Variants in TAFA4 observed in about 807,000 individuals in gnomAD.
TAFA4 encodes chemokine-like protein TAFA-4.
A neutral mutation model predicts 21.1 loss-of-function variants in TAFA4; 20 were observed. The observed-to-expected ratio is 0.95, with a 90% CI of 0.67 to 1.38. The LOEUF (loss-of-function observed/expected upper bound fraction) is 1.38, where lower values mean the gene tolerates loss of function less well. TAFA4 is among the 40% of genes most tolerant of loss of function. The pLI, the probability that TAFA4 is intolerant of heterozygous loss-of-function variation, is 0.00. For missense variants in TAFA4, 211 were observed against 180.9 expected, an observed-to-expected ratio of 1.17 and a Z score of -0.95; for synonymous variants, 71 against 67.4, an observed-to-expected ratio of 1.05 and a Z score of -0.26.
intron 3 of TAFA4, among the ~76,000 whole-genome samples, chr3:68,760,054 T>G (rs1359537505): frequency 6.6e-6 from 1 of 152,142 alleles, no homozygotes; most frequent in Non-Finnish European, 1.5e-5. Flanking sequence ...GCAATCGGGT[T>G]GCATATTTTC....
intron 1 of TAFA4, among the ~76,000 whole-genome samples, chr3:68,930,216 A>G (rs1181950417): frequency 1.3e-5 from 2 of 152,234 alleles, no homozygotes. Context: ...GAATATTGAA[A>G]TTCAAGTGAC....
At chr3:68,771,190 C>T (rs977853809) in intron 3 of TAFA4, among the ~76,000 whole-genome samples, 1 of 152,200 alleles carries the variant, frequency 6.6e-6, no homozygotes, top group South Asian at 2.1e-4. Flanking sequence ...TCCAAGCCCA[C>T]GTGTGACCTG....
intron 3 of TAFA4, among the ~76,000 whole-genome samples, chr3:68,842,308 C>CT (rs1435499288): frequency 3.3e-5 from 5 of 152,202 alleles, no homozygotes; most frequent in African/African-American, 4.8e-5. Context: ...TAATGATGAG[C>CT]TTTTTTTCAT....
At chr3:68,812,741 C>A (rs565848305) in intron 3 of TAFA4, among the ~76,000 whole-genome samples, 1 of 152,040 alleles carries the variant, frequency 6.6e-6, no homozygotes, top group Admixed American at 6.6e-5. Context: ...CTTTAACACC[C>A]GGCTGTCAAC....
chr3:68,861,030 A>ACCCCCCCCCCCCC (rs113804738), intron 3 of TAFA4, among the ~76,000 whole-genome samples: 11 of 111,114 alleles, frequency 9.9e-5, no homozygotes, highest in Middle Eastern at 4.7e-3. Flanking sequence ...TTAAATATGC[A>ACCCCCCCCCCCCC]CCCCCCCCCC....
intron 5 of TAFA4, among the ~76,000 whole-genome samples, chr3:68,738,456 A>G (rs1702284196): frequency 6.6e-6 from 1 of 152,142 alleles, no homozygotes; most frequent in Admixed American, 6.5e-5. Flanking sequence ...GTCTAGATTC[A>G]TCTCCATATG....
chr3:68,748,663 G>C (rs1349259605), intron 4 of TAFA4, among the ~76,000 whole-genome samples: 2 of 151,278 alleles, frequency 1.3e-5, no homozygotes, highest in Non-Finnish European at 2.9e-5. Flanking sequence ...AGAAACACTT[G>C]AACCCGGGAG....
chr3:68,894,811 G>A (rs1198384942), intron 1 of TAFA4, among the ~76,000 whole-genome samples: 1 of 152,132 alleles, frequency 6.6e-6, no homozygotes, highest in Non-Finnish European at 1.5e-5. Flanking sequence ...AAGTAAAGAT[G>A]GAAAGGAGTA....
At chr3:68,858,234 C>T (rs1199235127) in intron 3 of TAFA4, among the ~76,000 whole-genome samples, 2 of 152,200 alleles carry the variant, frequency 1.3e-5, no homozygotes, top group African/African-American at 2.4e-5. Context: ...GCAAATGCAT[C>T]GTGGAAATGC....
intron 3 of TAFA4, among the ~76,000 whole-genome samples, chr3:68,761,762 C>A (rs901526682): frequency 1.3e-5 from 2 of 152,270 alleles, no homozygotes; most frequent in African/African-American, 2.4e-5. Flanking sequence ...GCAGAGACAC[C>A]AGCTCCTGCC....
In TAFA4 at chr3:68,918,156, A is replaced by AC. The variant is rs35400341; in HGVS notation, c.-123+14083_-123+14084insG. ...ATACACACACACACACACACACACAAACACATTTCACATTCCAGGGAAAGG... is the reference window on the plus strand; with the variant it reads ...ATACACACACACACACACACACACAACACACATTTCACATTCCAGGGAAAGG... On this transcript the variant is annotated intron_variant, in intron 1 of 5. Transcript: ENST00000295569. 2.3e-3 allele frequency among the ~76,000 whole-genome samples: 276 copies of AC among 117,530 alleles called. 6 individuals carry two copies. In the East Asian group the frequency reaches 0.051, roughly 22 times the overall value. The allele number at this position is 117,530 out of a possible 152,430, so 77.1% of individuals were successfully genotyped here.
intron 2 of TAFA4, 56 bp downstream of exon 2, chr3:68,885,119 A>T: frequency 6.3e-7 from 1 of 1,579,350 alleles, no homozygotes; most frequent in African/African-American, 1.4e-5. Flanking sequence ...ACTTTTGCTA[A>T]ATTCTCAATA....
chr3:68,844,581 C>A (rs1041650810), intron 3 of TAFA4, among the ~76,000 whole-genome samples: 1 of 152,012 alleles, frequency 6.6e-6, no homozygotes, highest in East Asian at 1.9e-4. Context: ...TGTTTGCTCT[C>A]GCTTCTCTAG....
intron 1 of TAFA4, among the ~76,000 whole-genome samples, chr3:68,923,383 A>G (rs1308061372): frequency 6.6e-6 from 1 of 152,176 alleles, no homozygotes; most frequent in Non-Finnish European, 1.5e-5. Flanking sequence ...AAGGATGCCC[A>G]CGTCCTCTGC....
At chr3:68,912,998 T>C (rs1332039888) in intron 1 of TAFA4, among the ~76,000 whole-genome samples, 4 of 152,202 alleles carry the variant, frequency 2.6e-5, no homozygotes, top group Admixed American at 2.6e-4. Context: ...CCCCAAAATA[T>C]TTCCCCAACT....
intron 1 of TAFA4, among the ~76,000 whole-genome samples, chr3:68,918,685 G>C (rs1317093874): frequency 6.6e-6 from 1 of 152,100 alleles, no homozygotes; most frequent in African/African-American, 2.4e-5. Context: ...CTACATGCAT[G>C]CATCTAACCA....
intron 4 of TAFA4, among the ~76,000 whole-genome samples, chr3:68,750,315 C>A (rs371318806): frequency 6.6e-6 from 1 of 152,098 alleles, no homozygotes; most frequent in Non-Finnish European, 1.5e-5. Context: ...AAAGGGAAGA[C>A]GAATGGCTAA....
At chr3:68,796,072 G>C (rs1018542480) in intron 3 of TAFA4, among the ~76,000 whole-genome samples, 1 of 152,086 alleles carries the variant, frequency 6.6e-6, no homozygotes, top group Non-Finnish European at 1.5e-5. Flanking sequence ...GTCTCTCTCT[G>C]TGCTGAGCTG....
chr3:68,920,202 G>A (rs1046364347), intron 1 of TAFA4, among the ~76,000 whole-genome samples: 1 of 152,144 alleles, frequency 6.6e-6, no homozygotes, highest in Non-Finnish European at 1.5e-5. Context: ...ATGTATAAAC[G>A]TGGATAATCT....
Sources: gnomAD v4.1 joint callset for allele counts (sites outside exome capture counted in the v4.1 genomes callset) on GRCh38, gnomAD v4.1.1 for gene constraint, MANE v1.5 for transcripts, NCBI Gene and HGNC (gene_info 2026-07-23, HGNC 2026-07-21) for gene names.